CALN1: variants seen among roughly 807,000 people sequenced by gnomAD.
The protein encoded by CALN1 is calcium-binding protein 8.
Under a neutral mutation model 30.6 loss-of-function variants are expected in CALN1, and 17 were observed. The observed-to-expected ratio is 0.56, with a 90% CI of 0.38 to 0.83. CALN1 has a LOEUF of 0.83. Among genes scored for constraint, CALN1 ranks in the 40% least tolerant of loss-of-function variants. The pLI, the probability that CALN1 is intolerant of heterozygous loss-of-function variation, is 0.00. For synonymous variants in CALN1, 156 were observed against 131.4 expected (o/e 1.19, Z -1.28); for missense variants, 291 against 354.9 (o/e 0.82, Z 1.45).
intron 3 of CALN1, among the ~76,000 whole-genome samples, chr7:72,267,800 A>C (rs1408663219): frequency 6.6e-6 from 1 of 152,162 alleles, no homozygotes; most frequent in Non-Finnish European, 1.5e-5. Flanking sequence ...TGAGGCCAGG[A>C]GTTTGAGATC....
chr7:71,910,244 G>A (rs747809693), intron 5 of CALN1, among the ~76,000 whole-genome samples: 6 of 152,178 alleles, frequency 3.9e-5, no homozygotes, highest in Non-Finnish European at 8.8e-5. Context: ...CCAGACCTGA[G>A]AGTTTGCCAT....
chr7:72,459,086 A>G, the CALN1 span, among the ~76,000 whole-genome samples: 2 of 119,598 alleles, frequency 1.7e-5, no homozygotes, highest in African/African-American at 6.7e-5. Flanking sequence ...TAAATTTTGT[A>G]TGAGACGGGG....
chr7:72,242,101 G>A (rs1470367603), intron 3 of CALN1, among the ~76,000 whole-genome samples: 1 of 152,066 alleles, frequency 6.6e-6, no homozygotes, highest in Non-Finnish European at 1.5e-5. Context: ...GCTATTCTAG[G>A]GACCTCATAG....
intron 3 of CALN1, among the ~76,000 whole-genome samples, chr7:72,255,424 AT>A (rs948970917): frequency 7.4e-6 from 1 of 135,558 alleles, no homozygotes; most frequent in African/African-American, 2.8e-5. Context: ...TATTATTGTT[AT>A]TTTTTTTGAG....
At chr7:71,888,956 C>T (rs774867284) in intron 5 of CALN1, among the ~76,000 whole-genome samples, 11 of 152,266 alleles carry the variant, frequency 7.2e-5, no homozygotes, top group Non-Finnish European at 1.3e-4. Context: ...TCCAGGCCAC[C>T]GCTGAGGAGG....
chr7:72,113,096 T>G lies in CALN1; in HGVS notation c.245-6802A>C, dbSNP rs1202874506. On this transcript the variant is annotated intron_variant, in intron 3 of 6. Coordinates refer to ENST00000395275, the MANE Select transcript of CALN1 (RefSeq NM_031468.4). Reference sequence around the variant, plus strand: ...CACTAGGGCGATGCTATAGTTTGGATGTTTTTTCCCCAAAATCTCATGTTG... The same window carrying G: ...CACTAGGGCGATGCTATAGTTTGGAGGTTTTTTCCCCAAAATCTCATGTTG... Among the ~76,000 whole-genome samples, 4 of 152,156 alleles carry G rather than the reference T, an allele frequency of 2.6e-5. No individual in the cohort carries two copies. In the East Asian group the frequency reaches 5.8e-4, roughly 22 times the overall value.
At chr7:71,840,871 T>C (rs1043915255) in intron 5 of CALN1, among the ~76,000 whole-genome samples, 1 of 152,268 alleles carries the variant, frequency 6.6e-6, no homozygotes, top group East Asian at 1.9e-4. Context: ...GAAAACCACA[T>C]TTTGGATACA....
chr7:72,308,414 G>A (rs1201210010), intron 2 of CALN1, among the ~76,000 whole-genome samples: 1 of 140,366 alleles, frequency 7.1e-6, no homozygotes, highest in African/African-American at 2.7e-5. Flanking sequence ...AGGAAAGAAA[G>A]GAAAGAAAGA....
Position 71,786,395 on chromosome 7 carries a change from A to G in CALN1, c.*1380T>C, listed in dbSNP as rs1268684113. 1 of 152,220 alleles carries G rather than the reference A, an allele frequency of 6.6e-6. No homozygotes were observed. Among genetic ancestry groups the G allele is most frequent in the African/African-American group, 2.4e-5 (1 of 41,452 alleles). 9.4% of individuals were successfully genotyped at this position (152,220 alleles called of 1,614,324 possible). On this transcript the variant is annotated 3_prime_UTR_variant, in exon 7 of 7. Coordinates refer to ENST00000395275, the MANE Select transcript of CALN1 (RefSeq NM_031468.4). ...GATTACTGGCTAATCTGACTACACA[A>G]GCTTGAATTCATAGTAGTGGCTGAC...
intron 2 of CALN1, among the ~76,000 whole-genome samples, chr7:72,399,472 T>C (rs1456455600): frequency 1.3e-5 from 2 of 151,960 alleles, no homozygotes; most frequent in East Asian, 1.9e-4. Context: ...GGCTTCACCA[T>C]GTTGGCCAAG....
intron 2 of CALN1, among the ~76,000 whole-genome samples, chr7:72,310,139 T>C (rs912146932): frequency 3.3e-5 from 5 of 151,878 alleles, no homozygotes; most frequent in Admixed American, 1.3e-4. Flanking sequence ...TCTCTAGATA[T>C]ACAAAGAGAG....
chr7:72,031,969 C>G (rs1021572005), intron 4 of CALN1, among the ~76,000 whole-genome samples: 1 of 151,084 alleles, frequency 6.6e-6, no homozygotes, highest in African/African-American at 2.4e-5. Context: ...TCTCAAACTC[C>G]TGACTTCAGG....
rs11386575 is a variant in CALN1, at chr7:72,154,228, TA to T, written c.245-47935del. Among the ~76,000 whole-genome samples, 992 of 145,020 alleles carry T rather than the reference TA, an allele frequency of 6.8e-3. 10 individuals carry two copies. Among genetic ancestry groups the T allele is most frequent in the East Asian group, 0.03 (145 of 4,890 alleles). Reference sequence around the variant, plus strand: ...TTTTAACTAAGGAGGGAAGTAAAATTAAAAAAAAAAAAATAGGGGCATACTA... The same window carrying T: ...TTTTAACTAAGGAGGGAAGTAAAATTAAAAAAAAAAAATAGGGGCATACTA... On this transcript the variant is annotated intron_variant, in intron 3 of 6. Coordinates refer to ENST00000395275, the MANE Select transcript of CALN1 (RefSeq NM_031468.4).
At chr7:72,502,013 A>G in the CALN1 span, among the ~76,000 whole-genome samples, 9 of 144,828 alleles carry the variant, frequency 6.2e-5, no homozygotes, top group African/African-American at 2.3e-4. Context: ...ACACACATAT[A>G]TATATTCTTT....
chr7:71,869,401 G>A (rs372926346), intron 5 of CALN1, among the ~76,000 whole-genome samples: 16 of 152,054 alleles, frequency 1.1e-4, no homozygotes, highest in Admixed American at 5.9e-4. Flanking sequence ...TAGTAGAAAC[G>A]GTGTTTCACC....
At chr7:72,151,497 A>G (rs969738852) in intron 3 of CALN1, among the ~76,000 whole-genome samples, 11 of 152,144 alleles carry the variant, frequency 7.2e-5, no homozygotes, top group African/African-American at 1.9e-4. Context: ...GGGCGCCAAC[A>G]TATTATTTTT....
chr7:71,809,046 C>T (rs950134995), intron 6 of CALN1, among the ~76,000 whole-genome samples: 1 of 152,120 alleles, frequency 6.6e-6, no homozygotes, highest in African/African-American at 2.4e-5. Flanking sequence ...AGCAAGGAGA[C>T]CAAGGCAACT....
chr7:72,092,311 T>C (rs1164455193), intron 4 of CALN1, among the ~76,000 whole-genome samples: 4 of 152,176 alleles, frequency 2.6e-5, no homozygotes, highest in Non-Finnish European at 4.4e-5. Context: ...CCTATATTAC[T>C]TGTTCTTTAC....
chr7:71,943,143 G>A (rs1458331142), intron 5 of CALN1, among the ~76,000 whole-genome samples: 3 of 152,114 alleles, frequency 2.0e-5, no homozygotes, highest in Admixed American at 6.5e-5. Flanking sequence ...GCTGTGTCAC[G>A]GGTGCATCCT....
Sources: allele counts gnomAD v4.1 joint callset (sites outside exome capture counted in the v4.1 genomes callset), GRCh38; gene constraint gnomAD v4.1.1; transcripts MANE v1.5; gene names NCBI Gene and HGNC (gene_info 2026-07-23, HGNC 2026-07-21).